Variants in TTC23 observed in about 807,000 individuals in gnomAD.
TTC23 encodes tetratricopeptide repeat domain 23.
TTC23 carries 58 observed loss-of-function variants against 55.1 expected under a neutral mutation model. The ratio of observed to expected loss-of-function variants is 1.05; its 90% CI spans 0.85 to 1.31. The LOEUF is 1.31. Ranked by LOEUF, TTC23 falls within the 50% of genes most tolerant of loss-of-function variation. The probability of loss-of-function intolerance (pLI) is 0.00; values close to 1 mark genes in which losing one functional copy is unlikely to be tolerated. For missense variants in TTC23, 516 were observed against 534.4 expected (o/e 0.97, Z 0.34); for synonymous variants, 203 against 199.9 (o/e 1.02, Z -0.13).
chr15:99,245,978 C>T (rs969556517), intron 1 of TTC23, among the ~76,000 whole-genome samples: 1 of 151,998 alleles, frequency 6.6e-6, no homozygotes, highest in Non-Finnish European at 1.5e-5. Context: ...ACCACCACGC[C>T]CAGCTAATTT....
chr15:99,192,893 C>T (rs2075362344), intron 9 of TTC23, among the ~76,000 whole-genome samples: 1 of 152,188 alleles, frequency 6.6e-6, no homozygotes, highest in Non-Finnish European at 1.5e-5. Flanking sequence ...GGCGGAGCTG[C>T]CCAAGACTAT....
intron 9 of TTC23, among the ~76,000 whole-genome samples, chr15:99,188,365 G>A (rs2074923982): frequency 6.6e-6 from 1 of 151,898 alleles, no homozygotes; most frequent in Non-Finnish European, 1.5e-5. Context: ...CTGCCAATGG[G>A]TATGGAATTT....
At chr15:99,150,890 T>G (rs891828414) in intron 12 of TTC23, among the ~76,000 whole-genome samples, 4 of 152,324 alleles carry the variant, frequency 2.6e-5, no homozygotes, top group Middle Eastern at 3.4e-3. Flanking sequence ...TCCAACTGCT[T>G]TTTGTTCCTT....
At chr15:99,207,280 T>C (rs1385852353) in intron 8 of TTC23, among the ~76,000 whole-genome samples, 1 of 152,164 alleles carries the variant, frequency 6.6e-6, no homozygotes, top group African/African-American at 2.4e-5. Flanking sequence ...ATACAATATA[T>C]GTAAACAGCA....
chr15:99,155,809 G>T (rs892854181), intron 12 of TTC23: 12 of 350,254 alleles, frequency 3.4e-5, no homozygotes, highest in Admixed American at 8.5e-5. Flanking sequence ...ATTTAAAGAA[G>T]AATGACAATT....
At chr15:99,226,325 T>A (rs1343115804) in intron 5 of TTC23, among the ~76,000 whole-genome samples, 1 of 152,172 alleles carries the variant, frequency 6.6e-6, no homozygotes, top group African/African-American at 2.4e-5. Flanking sequence ...TCTTAGGGAA[T>A]AAACACTGAA....
At chr15:99,197,424 C>A (rs1488367316) in intron 9 of TTC23, among the ~76,000 whole-genome samples, 1 of 151,812 alleles carries the variant, frequency 6.6e-6, no homozygotes, top group Non-Finnish European at 1.5e-5. Context: ...TTATCATCAC[C>A]CCAGTATTCA....
chr15:99,224,335 C>T (rs1269353878), intron 5 of TTC23, among the ~76,000 whole-genome samples: 1 of 152,094 alleles, frequency 6.6e-6, no homozygotes, highest in Non-Finnish European at 1.5e-5. Flanking sequence ...GATAAATATC[C>T]CTTTATTCTT....
chr15:99,205,486 T>C (rs930527511), intron 8 of TTC23, among the ~76,000 whole-genome samples: 4 of 152,182 alleles, frequency 2.6e-5, no homozygotes, highest in Non-Finnish European at 5.9e-5. Flanking sequence ...ATAGTTTTCA[T>C]TGTAGAGATC....
In TTC23 at chr15:99,146,528, C is replaced by T. The variant is rs368597233; in HGVS notation, c.1144-7129G>A. Among the ~76,000 whole-genome samples the T allele has an allele frequency of 1.1e-4, 17 of 152,324 alleles. 1 individual carries two copies. The East Asian group carries it at 2.1e-3, about 19-fold the overall frequency. ...GTACCCATAAACTCACTGTTTCCAG[C>T]GAAGCTCCGAAAAACCGCTAGAGAG... On this transcript the variant is annotated intron_variant, in intron 12 of 13. Coordinates refer to ENST00000394132, the MANE Select transcript of TTC23 (RefSeq NM_001288615.3).
chr15:99,199,351 T>A (rs2076003991), intron 9 of TTC23, among the ~76,000 whole-genome samples: 1 of 138,476 alleles, frequency 7.2e-6, no homozygotes, highest in Non-Finnish European at 1.5e-5. Context: ...GAGGATCACG[T>A]GAACCCAGGA....
chr15:99,185,969 A>C (rs997215251), intron 9 of TTC23, among the ~76,000 whole-genome samples: 2 of 152,206 alleles, frequency 1.3e-5, no homozygotes, highest in Non-Finnish European at 2.9e-5. Context: ...ACTCCAAAGG[A>C]ATGAAGGGTG....
chr15:99,199,587 C>T (rs73463369), intron 9 of TTC23, among the ~76,000 whole-genome samples: 5,165 of 151,460 alleles, frequency 0.034, 312 homozygotes, highest in African/African-American at 0.12. Flanking sequence ...CTCTAGGTGG[C>T]TTCAGGTGAA....
chr15:99,155,990 A>G, intron 12 of TTC23, 158 bp downstream of exon 12: 1 of 934,278 alleles, frequency 1.1e-6, no homozygotes, highest in South Asian at 1.9e-5. Flanking sequence ...CTTTTACCCA[A>G]AAAGTATCAG....
intron 3 of TTC23, among the ~76,000 whole-genome samples, chr15:99,239,266 C>A (rs914342354): frequency 6.6e-6 from 1 of 152,118 alleles, no homozygotes; most frequent in Non-Finnish European, 1.5e-5. Context: ...GCATGCAGAT[C>A]ACAAGGTCAG....
chr15:99,142,842 A>G (rs1454093370), intron 12 of TTC23, among the ~76,000 whole-genome samples: 1 of 152,190 alleles, frequency 6.6e-6, no homozygotes, highest in Non-Finnish European at 1.5e-5. Context: ...GTGTTCGTAG[A>G]GAAGAGTGGA....
intron 9 of TTC23, among the ~76,000 whole-genome samples, chr15:99,176,656 G>A (rs749348683): frequency 6.6e-6 from 1 of 152,048 alleles, no homozygotes; most frequent in Non-Finnish European, 1.5e-5. Context: ...ACACTAGATT[G>A]GGATAGGCAA....
intron 12 of TTC23, chr15:99,145,060 G>C (rs1233516717): frequency 6.6e-6 from 1 of 152,216 alleles, no homozygotes; most frequent in Non-Finnish European, 1.5e-5. Flanking sequence ...TAACTTGGGG[G>C]AATTGAAGGA....
At chr15:99,239,235 G>T (rs2079564091) in intron 3 of TTC23, among the ~76,000 whole-genome samples, 1 of 152,102 alleles carries the variant, frequency 6.6e-6, no homozygotes, top group Non-Finnish European at 1.5e-5. Context: ...CGTAATCCCA[G>T]CAGCACTGTG....
Sources: allele counts gnomAD v4.1 joint callset (sites outside exome capture counted in the v4.1 genomes callset), GRCh38; gene constraint gnomAD v4.1.1; transcripts MANE v1.5; gene names NCBI Gene and HGNC (gene_info 2026-07-23, HGNC 2026-07-21).